Variants in TFDP2 observed in about 807,000 individuals in gnomAD.
The protein encoded by TFDP2 is transcription factor Dp-2 (E2F dimerization partner 2).
Under a neutral mutation model 59.3 loss-of-function variants are expected in TFDP2, and 17 were observed. The ratio of observed to expected loss-of-function variants is 0.29; its 90% CI spans 0.20 to 0.43. The LOEUF is 0.43. TFDP2 is among the 20% of genes least tolerant of loss of function. The probability of loss-of-function intolerance (pLI) is 1.00; values close to 1 mark genes in which losing one functional copy is unlikely to be tolerated. For missense variants in TFDP2, 391 were observed against 528.8 expected (o/e 0.74, Z 2.56); for synonymous variants, 180 against 194.7 (o/e 0.92, Z 0.63).
intron 9 of TFDP2, among the ~76,000 whole-genome samples, chr3:141,966,258 C>T (rs1166569073): frequency 6.6e-6 from 1 of 151,798 alleles, no homozygotes; most frequent in Admixed American, 6.6e-5. Context: ...CTGCAACCTC[C>T]GCCTCCCAGG....
chr3:142,126,176 C>CTTTT (rs2062239513), intron 1 of TFDP2: 1 of 144,870 alleles, frequency 6.9e-6, no homozygotes, highest in African/African-American at 2.5e-5. Context: ...GAATTTTTTT[C>CTTTT]TTTTCTTTTT....
intron 3 of TFDP2, among the ~76,000 whole-genome samples, chr3:142,052,353 C>T (rs181132710): frequency 4.7e-5 from 7 of 148,736 alleles, no homozygotes; most frequent in East Asian, 4.0e-4. Flanking sequence ...CTGGCTAACA[C>T]GGTGAAACCC....
chr3:142,098,141 A>G (rs1054525159), intron 2 of TFDP2, among the ~76,000 whole-genome samples: 4 of 151,824 alleles, frequency 2.6e-5, no homozygotes, highest in African/African-American at 7.3e-5. Flanking sequence ...TACAAATCAG[A>G]TATCTTCCTA....
chr3:142,136,246 G>T (rs908679270), intron 1 of TFDP2, among the ~76,000 whole-genome samples: 2 of 151,890 alleles, frequency 1.3e-5, no homozygotes, highest in African/African-American at 2.4e-5. Flanking sequence ...TTTTTGATAG[G>T]ATCTTTTTTT....
intron 7 of TFDP2, among the ~76,000 whole-genome samples, chr3:141,977,311 C>A (rs530680032): frequency 6.7e-6 from 1 of 149,712 alleles, no homozygotes; most frequent in Non-Finnish European, 1.5e-5. Flanking sequence ...GTGGCTCATG[C>A]CTGTAATCCC....
chr3:142,008,379 T>C (rs899541675), intron 3 of TFDP2, among the ~76,000 whole-genome samples: 1 of 152,120 alleles, frequency 6.6e-6, no homozygotes, highest in African/African-American at 2.4e-5. Context: ...ACTTCCTAAA[T>C]GCCTCTCAGA....
At chr3:142,075,606 T>C (rs369854348) in intron 3 of TFDP2, among the ~76,000 whole-genome samples, 15 of 151,864 alleles carry the variant, frequency 9.9e-5, no homozygotes, top group African/African-American at 3.6e-4. Context: ...AAAAATATAT[T>C]GTATCCAGGC....
chr3:141,995,083 T>C lies in TFDP2; in HGVS notation c.245A>G (p.Tyr82Cys). Residue 82 changes from tyrosine to cysteine, a missense_variant, in exon 5 of 13, where the codon TAT becomes TGT. Transcript: ENST00000489671. ...AGTAACCATTGCTGGTGCAGGGGTA[T>C]ATGGACTCCCAATCAGAACACTTCC... ...SSGSVLIGSP[Y>C]TPAPAMVTQT... 2 of 1,611,822 alleles carry C rather than the reference T, an allele frequency of 1.2e-6. No individual in the cohort carries two copies. Among genetic ancestry groups the C allele is most frequent in the Non-Finnish European group, 1.7e-6 (2 of 1,178,756 alleles).
intron 6 of TFDP2, among the ~76,000 whole-genome samples, chr3:141,991,060 A>AAAACAAAC (rs976037619): frequency 1.9e-4 from 29 of 152,048 alleles, no homozygotes; most frequent in Admixed American, 1.3e-4. Context: ...TCCATCTCAA[A>AAAACAAAC]AAACAAACAA....
intron 8 of TFDP2, among the ~76,000 whole-genome samples, chr3:141,973,109 ATATATATATATATATTT>A (rs1306969692): frequency 3.7e-5 from 4 of 108,580 alleles, no homozygotes; most frequent in African/African-American, 1.5e-4. Flanking sequence ...ATATATATAT[ATATATATATATATATTT>A]TTTTTTTTTA....
chr3:142,050,277 T>TA (rs1217342788), intron 3 of TFDP2, among the ~76,000 whole-genome samples: 121 of 128,852 alleles, frequency 9.4e-4, no homozygotes, highest in African/African-American at 1.4e-3. Flanking sequence ...AAAAAAAAAA[T>TA]AATAAAAAAA....
At chr3:141,960,978 G>A (rs960191491) in intron 10 of TFDP2, among the ~76,000 whole-genome samples, 5 of 152,186 alleles carry the variant, frequency 3.3e-5, no homozygotes, top group African/African-American at 4.8e-5. Context: ...GCCAAGGAAA[G>A]GGCATGAGTC....
chr3:142,050,604 G>A lies in TFDP2; in HGVS notation c.82+42457C>T, dbSNP rs185430231. Among the ~76,000 whole-genome samples the A allele has an allele frequency of 2.4e-3, 360 of 152,024 alleles. 1 individual carries two copies. The highest frequency in any genetic ancestry group is 8.2e-3 in the African/African-American group (342 of 41,494). On this transcript the variant is annotated intron_variant, in intron 3 of 12. Coordinates refer to ENST00000489671, the MANE Select transcript of TFDP2 (RefSeq NM_001178139.2). ...CCAGCTACTCGGGAGGCTGAGGCAGGGGAATGGTATGAACCTGGGAGGCAG... is the reference window on the plus strand; with the variant it reads ...CCAGCTACTCGGGAGGCTGAGGCAGAGGAATGGTATGAACCTGGGAGGCAG...
At chr3:142,120,056 AAAAAG>A (rs958106661) in intron 1 of TFDP2, among the ~76,000 whole-genome samples, 28 of 151,370 alleles carry the variant, frequency 1.8e-4, no homozygotes, top group African/African-American at 6.3e-4. Context: ...TCGAAAAGAA[AAAAAG>A]AAAAGAAAAG....
chr3:141,997,871 GAGAA>G (rs1423016813), intron 4 of TFDP2, among the ~76,000 whole-genome samples: 3 of 123,408 alleles, frequency 2.4e-5, no homozygotes, highest in East Asian at 2.4e-4. Flanking sequence ...AAAAAAAAAA[GAGAA>G]AGAAAGGAAA....
intron 3 of TFDP2, among the ~76,000 whole-genome samples, chr3:142,040,993 A>G (rs898222766): frequency 6.6e-6 from 1 of 152,186 alleles, no homozygotes; most frequent in Non-Finnish European, 1.5e-5. Context: ...ACTCTGTCCT[A>G]TGTGCCTTTT....
intron 7 of TFDP2, 40 bp from the exon 8 acceptor site, chr3:141,974,231 GT>G: frequency 6.6e-7 from 1 of 1,523,356 alleles, no homozygotes; most frequent in Non-Finnish European, 8.8e-7. Flanking sequence ...AATCTTAAGG[GT>G]TAAGATACAG....
At chr3:141,982,418 T>C (rs1941591257) in intron 6 of TFDP2, among the ~76,000 whole-genome samples, 1 of 152,010 alleles carries the variant, frequency 6.6e-6, no homozygotes, top group Admixed American at 6.6e-5. Flanking sequence ...AAGTAGTCTT[T>C]ACCCCCTACT....
At chr3:142,023,710 G>A (rs1945850358) in intron 3 of TFDP2, among the ~76,000 whole-genome samples, 1 of 152,132 alleles carries the variant, frequency 6.6e-6, no homozygotes, top group Admixed American at 6.5e-5. Context: ...TATTACTGAA[G>A]CTACATTTAA....
Sources: gnomAD v4.1 joint callset for allele counts (sites outside exome capture counted in the v4.1 genomes callset) on GRCh38, gnomAD v4.1.1 for gene constraint, MANE v1.5 for transcripts, NCBI Gene and HGNC (gene_info 2026-07-23, HGNC 2026-07-21) for gene names.